IRAK1BP1: variants seen among roughly 807,000 people sequenced by gnomAD.
IRAK1BP1 encodes interleukin-1 receptor-associated kinase 1-binding protein 1.
In IRAK1BP1, 24 loss-of-function variants were observed where a neutral mutation model predicts 28.0. That is an observed-to-expected ratio of 0.86 (90% CI 0.62 to 1.20). IRAK1BP1 has a LOEUF of 1.20. IRAK1BP1 is among the 50% of genes most tolerant of loss of function. The pLI, the probability that IRAK1BP1 is intolerant of heterozygous loss-of-function variation, is 0.00. For synonymous variants in IRAK1BP1, 131 were observed against 116.3 expected (o/e 1.13, Z -0.81); for missense variants, 336 against 316.7 (o/e 1.06, Z -0.46).
At chr6:78,874,849 G>A (rs1056118504) in intron 1 of IRAK1BP1, among the ~76,000 whole-genome samples, 1 of 152,038 alleles carries the variant, frequency 6.6e-6, no homozygotes, top group African/African-American at 2.4e-5. Context: ...AATTTTTGAT[G>A]AAGACCCCAA....
At chr6:78,875,827 T>C (rs796641388) in intron 1 of IRAK1BP1, among the ~76,000 whole-genome samples, 11 of 152,220 alleles carry the variant, frequency 7.2e-5, no homozygotes, top group African/African-American at 2.4e-4. Flanking sequence ...AATGTACCCA[T>C]GTAACAAACA....
chr6:78,877,519 GATGGC>G (rs1324978774), intron 1 of IRAK1BP1, among the ~76,000 whole-genome samples: 1 of 152,200 alleles, frequency 6.6e-6, no homozygotes, highest in African/African-American at 2.4e-5. Flanking sequence ...TAGGTTCCAA[GATGGC>G]CAAATAGGAA....
chr6:78,912,857 T>C (rs780103389), intron 4 of IRAK1BP1, among the ~76,000 whole-genome samples: 2 of 152,210 alleles, frequency 1.3e-5, no homozygotes, highest in Non-Finnish European at 2.9e-5. Flanking sequence ...GGCTCTTGAT[T>C]TGTTAAAGAG....
At chr6:78,886,303 G>A (rs529275857) in intron 2 of IRAK1BP1, among the ~76,000 whole-genome samples, 4 of 152,128 alleles carry the variant, frequency 2.6e-5, no homozygotes, top group Non-Finnish European at 4.4e-5. Context: ...TAGAACCCTG[G>A]ATTCTTATCT....
At chr6:78,888,963 C>CAAT (rs1771527583) in intron 2 of IRAK1BP1, among the ~76,000 whole-genome samples, 1 of 151,020 alleles carries the variant, frequency 6.6e-6, no homozygotes, top group Non-Finnish European at 1.5e-5. Context: ...CAGAAAAATA[C>CAAT]AATAATAGGT....
At chr6:78,934,310 T>G (rs750465553) in intron 4 of IRAK1BP1, among the ~76,000 whole-genome samples, 6 of 152,212 alleles carry the variant, frequency 3.9e-5, no homozygotes, top group Non-Finnish European at 7.3e-5. Flanking sequence ...ATTACCAAAA[T>G]GTGACACATG....
chr6:78,867,915 A>G (rs775934561), intron 1 of IRAK1BP1, 24 bp downstream of exon 1: 1 of 1,536,368 alleles, frequency 6.5e-7, no homozygotes, highest in Non-Finnish European at 8.8e-7. Flanking sequence ...GGGGGAGGAA[A>G]TAAGAGCCGG....
the IRAK1BP1 span, among the ~76,000 whole-genome samples, chr6:78,973,282 T>A: frequency 6.6e-6 from 1 of 151,352 alleles, no homozygotes; most frequent in Non-Finnish European, 1.5e-5. Flanking sequence ...AAAGTAAGCT[T>A]CATAAGTGAA....
chr6:78,928,207 A>G (rs910111052), intron 4 of IRAK1BP1, among the ~76,000 whole-genome samples: 1 of 152,038 alleles, frequency 6.6e-6, no homozygotes, highest in African/African-American at 2.4e-5. Context: ...CCAGTGTTTT[A>G]TAGTTTTCAT....
intron 2 of IRAK1BP1, among the ~76,000 whole-genome samples, chr6:78,888,825 A>T (rs564332956): frequency 6.6e-6 from 1 of 152,088 alleles, no homozygotes; most frequent in South Asian, 2.1e-4. Flanking sequence ...TTTTTTTTAA[A>T]GAATAGATGA....
rs60728695 is a variant in IRAK1BP1 at position 78,893,314 on chromosome 6, GTA to G, written c.382-4481_382-4480del. On this transcript the variant is annotated intron_variant, in intron 2 of 3. Transcript: ENST00000369940. ...TATATGTGTGTGTGTGTGTGTGTGT[GTA>G]TATATATATATATATATATATATAT... Among the ~76,000 whole-genome samples, 901 of 103,400 alleles carry G rather than the reference GTA, an allele frequency of 8.7e-3. 10 individuals are homozygous for G. Among genetic ancestry groups the G allele is most frequent in the Middle Eastern group, 0.017 (3 of 178 alleles). The allele number at this position is 103,400 out of a possible 152,430, so 67.8% of individuals were successfully genotyped here.
At chr6:78,903,397 A>G (rs1391973603), downstream of IRAK1BP1, among the ~76,000 whole-genome samples, 2 of 152,164 alleles carry the variant, frequency 1.3e-5, no homozygotes, top group Non-Finnish European at 2.9e-5. Flanking sequence ...AGGCTGAGAC[A>G]TGAAAATCAC....
chr6:78,870,245 T>G (rs1331181696), intron 1 of IRAK1BP1, among the ~76,000 whole-genome samples: 1 of 144,342 alleles, frequency 6.9e-6, no homozygotes, highest in South Asian at 2.3e-4. Context: ...AGACACTGTC[T>G]CAAAAAAAAA....
chr6:78,880,225 T>C (rs750507835), intron 1 of IRAK1BP1, among the ~76,000 whole-genome samples: 92 of 152,230 alleles, frequency 6.0e-4, no homozygotes, highest in Non-Finnish European at 9.8e-4. Flanking sequence ...CAGAAATGTT[T>C]CAGATTTCAG....
the IRAK1BP1 span, among the ~76,000 whole-genome samples, chr6:78,974,160 A>G: frequency 1.3e-5 from 2 of 152,106 alleles, no homozygotes; most frequent in African/African-American, 2.4e-5. Context: ...AAAGAACAGA[A>G]ATTATAACAA....
the IRAK1BP1 span, among the ~76,000 whole-genome samples, chr6:78,965,479 G>A: frequency 6.6e-5 from 10 of 152,168 alleles, no homozygotes; most frequent in Non-Finnish European, 1.3e-4. Flanking sequence ...ATGTTTTGCT[G>A]TAATAAATTA....
chr6:78,945,747 G>A, exon 5 of IRAK1BP1: 1 of 601,528 alleles, frequency 1.7e-6, no homozygotes, highest in Non-Finnish European at 2.9e-6. Context: ...TTGCTAGCTA[G>A]TGTGGGTACT....
chr6:78,922,392 T>C (rs2127666293), intron 4 of IRAK1BP1, among the ~76,000 whole-genome samples: 1 of 152,106 alleles, frequency 6.6e-6, no homozygotes, highest in Middle Eastern at 3.4e-3. Flanking sequence ...TAAAAAGAAA[T>C]GAACAAAGCC....
chr6:78,960,667 C>T, the IRAK1BP1 span, among the ~76,000 whole-genome samples: 1 of 151,864 alleles, frequency 6.6e-6, no homozygotes. Context: ...TTTCTTTATT[C>T]CAGTGGTTCT....
Sources: allele counts gnomAD v4.1 joint callset (sites outside exome capture counted in the v4.1 genomes callset), GRCh38; gene constraint gnomAD v4.1.1; transcripts MANE v1.5; gene names NCBI Gene and HGNC (gene_info 2026-07-23, HGNC 2026-07-21).